DIAPH2: variants seen among roughly 807,000 people sequenced by gnomAD.
DIAPH2 encodes the protein diaphanous related formin 2.
A neutral mutation model predicts 92.7 loss-of-function variants in DIAPH2; 35 were observed. The ratio of observed to expected loss-of-function variants is 0.38; its 90% confidence interval spans 0.29 to 0.50. The LOEUF (loss-of-function observed/expected upper bound fraction) is 0.50, where lower values mean the gene tolerates loss of function less well. Ranked by LOEUF, DIAPH2 falls within the 20% of genes least tolerant of loss-of-function variation. The pLI, the probability that DIAPH2 is intolerant of heterozygous loss-of-function variation, is 0.94. For missense variants in DIAPH2, 701 were observed against 819.5 expected (o/e 0.86, Z 1.77); for synonymous variants, 301 against 280.4 (o/e 1.07, Z -0.73).
intron 4 of DIAPH2, among the ~76,000 whole-genome samples, chrX:96,814,745 T>C (rs1923511630): frequency 8.9e-6 from 1 of 112,137 alleles, no homozygotes; most frequent in African/African-American, 3.2e-5. Context: ...GTTGATGCTA[T>C]TCCTTTCTTT....
intron 26 of DIAPH2, among the ~76,000 whole-genome samples, chrX:97,570,121 TATTAGA>T (rs1185696026): frequency 8.7e-4 from 16 of 18,399 alleles, no homozygotes; most frequent in Admixed American, 1.9e-3. Context: ...TATATATATA[TATTAGA>T]AGATAGATAG....
At chrX:96,910,813 A>AG (rs1339873337) in intron 5 of DIAPH2, among the ~76,000 whole-genome samples, 4 of 111,476 alleles carry the variant, frequency 3.6e-5, no homozygotes, top group South Asian at 7.6e-4. Context: ...TACATGCCAA[A>AG]GGGGTAGGTA....
At chrX:97,428,222 C>G (rs1223310994) in intron 25 of DIAPH2, among the ~76,000 whole-genome samples, 1 of 111,496 alleles carries the variant, frequency 9.0e-6, no homozygotes, top group Non-Finnish European at 1.9e-5. Flanking sequence ...TTAGCTTGCT[C>G]TTGTCCCATA....
At chrX:97,248,987 A>C (rs2068164543) in intron 23 of DIAPH2, among the ~76,000 whole-genome samples, 1 of 111,545 alleles carries the variant, frequency 9.0e-6, no homozygotes, top group Admixed American at 9.6e-5. Flanking sequence ...CAGGGAATCC[A>C]CAAAAATAAC....
At chrX:96,965,261 G>C (rs2065887554) in intron 17 of DIAPH2, 54 bp downstream of exon 17, 30 of 957,501 alleles carry the variant, frequency 3.1e-5, no homozygotes, top group Non-Finnish European at 4.0e-5. Flanking sequence ...ATTTAATTTA[G>C]TGCTTTGCTA....
At chrX:97,067,657 G>A (rs927280445) in intron 17 of DIAPH2, among the ~76,000 whole-genome samples, 3 of 111,298 alleles carry the variant, frequency 2.7e-5, no homozygotes, top group Non-Finnish European at 3.8e-5. Flanking sequence ...TCAACAATAC[G>A]CAAGATTAGT....
chrX:97,340,555 C>T (rs369307715), intron 23 of DIAPH2, among the ~76,000 whole-genome samples: 120 of 111,371 alleles, frequency 1.1e-3, no homozygotes, highest in African/African-American at 3.6e-3. Context: ...TGTAAAGATA[C>T]CTTGTATCTC....
At chrX:96,718,336 G>GTTTTTTTTTTTTTTTTTT (rs962776012) in intron 1 of DIAPH2, among the ~76,000 whole-genome samples, 2 of 10,993 alleles carry the variant, frequency 1.8e-4, no homozygotes, top group Non-Finnish European at 1.4e-4. Flanking sequence ...CATTTTCTTT[G>GTTTTTTTTTTTTTTTTTT]TTTTTTTTTT....
chrX:97,125,918 G>T (rs28636469), intron 21 of DIAPH2, among the ~76,000 whole-genome samples: 10,136 of 111,209 alleles, frequency 0.091, 785 homozygotes, highest in African/African-American at 0.23. Context: ...ATCAGGAGCA[G>T]CAATAAGCAT....
intron 17 of DIAPH2, among the ~76,000 whole-genome samples, chrX:97,055,885 G>T (rs1291416840): frequency 1.8e-5 from 2 of 111,494 alleles, no homozygotes; most frequent in Non-Finnish European, 3.8e-5. Flanking sequence ...ATACATATAG[G>T]TAAATATGTA....
intron 22 of DIAPH2, among the ~76,000 whole-genome samples, chrX:97,194,527 G>T (rs773806094): frequency 9.1e-6 from 1 of 110,417 alleles, no homozygotes; most frequent in Non-Finnish European, 1.9e-5. Context: ...CTCGTGATCC[G>T]CCCACCTTGG....
intron 4 of DIAPH2, among the ~76,000 whole-genome samples, chrX:96,829,280 T>C (rs1045053664): frequency 1.8e-5 from 2 of 111,189 alleles, no homozygotes; most frequent in African/African-American, 3.3e-5. Flanking sequence ...TAGGCTTTTT[T>C]CCCCATTTTT....
At chrX:97,438,586 G>A (rs1161520459) in intron 26 of DIAPH2, among the ~76,000 whole-genome samples, 2 of 107,372 alleles carry the variant, frequency 1.9e-5, no homozygotes, top group African/African-American at 6.8e-5. Context: ...CATGCTGCCC[G>A]GGCTGGTCTT....
rs759386474 is a variant in DIAPH2, at chrX:97,041,994, G to T, written c.2051-30947G>T. Among the ~76,000 whole-genome samples the T allele has an allele frequency of 2.7e-5, 3 of 111,377 alleles. No individual in the cohort carries two copies. In the South Asian group the frequency reaches 1.1e-3, roughly 41 times the overall value. On this transcript the variant is annotated intron_variant, in intron 17 of 26. Transcript: ENST00000324765. ...CAGTTTAATTGAGAGTATATTATTT[G>T]AAGCTAGACTATCGGAGTTTAAATC...
chrX:96,988,849 C>T (rs1039703513), intron 17 of DIAPH2, among the ~76,000 whole-genome samples: 2 of 110,999 alleles, frequency 1.8e-5, no homozygotes, highest in Admixed American at 1.9e-4. Flanking sequence ...AGGCTGAGGT[C>T]ATACTGTGTA....
chrX:97,159,047 C>G (rs1459098792), intron 22 of DIAPH2, among the ~76,000 whole-genome samples: 1 of 112,219 alleles, frequency 8.9e-6, no homozygotes, highest in African/African-American at 3.2e-5. Flanking sequence ...CTTAAATGTA[C>G]TGAGCTATTC....
intron 24 of DIAPH2, among the ~76,000 whole-genome samples, chrX:97,354,863 G>T (rs769008209): frequency 2.7e-5 from 3 of 112,284 alleles, no homozygotes; most frequent in Non-Finnish European, 3.8e-5. Flanking sequence ...TTCCTAAGAG[G>T]AACTGTGTCT....
intron 26 of DIAPH2, among the ~76,000 whole-genome samples, chrX:97,509,656 C>G (rs1210569556): frequency 9.5e-6 from 1 of 105,588 alleles, no homozygotes; most frequent in African/African-American, 3.5e-5. Context: ...TATCCCTCCC[C>G]ACTCCCCCCA....
intron 22 of DIAPH2, among the ~76,000 whole-genome samples, chrX:97,202,698 C>G (rs192280382): frequency 2.1e-3 from 228 of 111,197 alleles, no homozygotes; most frequent in Middle Eastern, 9.3e-3. Flanking sequence ...TCTCAGAGAC[C>G]TATAAAGAAA....
Sources: allele counts gnomAD v4.1 joint callset (sites outside exome capture counted in the v4.1 genomes callset), GRCh38; gene constraint gnomAD v4.1.1; transcripts MANE v1.5; gene names NCBI Gene and HGNC (gene_info 2026-07-23, HGNC 2026-07-21).